Variants in DSCAML1 observed in about 807,000 individuals in gnomAD.
DSCAML1 encodes cell adhesion molecule DSCAML1.
In DSCAML1, 38 loss-of-function variants were observed where a neutral mutation model predicts 200.5. That is an observed-to-expected ratio of 0.19 (90% CI 0.15 to 0.25). The LOEUF is 0.25. Among genes scored for constraint, DSCAML1 ranks in the 10% least tolerant of loss-of-function variants. The pLI is 1.00. For synonymous variants in DSCAML1, 1,215 were observed against 1,165.0 expected, an observed-to-expected ratio of 1.04 and a Z score of -0.87; for missense variants, 2,223 against 2,858.8, an observed-to-expected ratio of 0.78 and a Z score of 5.07.
intron 4 of DSCAML1, among the ~76,000 whole-genome samples, chr11:117,530,578 GT>G (rs2050059724): frequency 6.6e-6 from 1 of 152,208 alleles, no homozygotes; most frequent in Non-Finnish European, 1.5e-5. Context: ...TCGGCACCTC[GT>G]GTGTGTTAGG....
chr11:117,430,805 C>T lies in DSCAML1; in HGVS notation c.5603G>A (p.Arg1868His), dbSNP rs200917225. 3.1e-4 allele frequency: 503 copies of T among 1,614,106 alleles called. 2 individuals carry two copies. In the East Asian group the frequency reaches 0.01, roughly 32 times the overall value. ...GGGCTTGGGTGGTGAGGCGGTAAAG[C>T]GGCAGATGCCAGGCTCTGAGGGTGT... ...MSTPSEPGIC[R>H]FTASPPKPQD... The change falls in exon 32 of 33, where the codon CGC becomes CAC. Residue 1868 changes from arginine to histidine, a missense_variant. Physicochemically the swap from Arg to His is conservative, Grantham distance 29. This residue lies in a region of DSCAML1 where 96 missense variants were observed against 160.7 expected (regional missense o/e 0.60). Transcript: ENST00000651296.
chr11:117,636,847 A>G (rs1182947419), intron 3 of DSCAML1, among the ~76,000 whole-genome samples: 1 of 152,220 alleles, frequency 6.6e-6, no homozygotes, highest in African/African-American at 2.4e-5. Flanking sequence ...AGCCTGGTAC[A>G]GTGCCTAAGT....
At chr11:117,654,035 A>C (rs1479946592) in intron 3 of DSCAML1, among the ~76,000 whole-genome samples, 2 of 152,230 alleles carry the variant, frequency 1.3e-5, no homozygotes, top group Non-Finnish European at 2.9e-5. Flanking sequence ...TCTTAAAAAA[A>C]AGTACTGATA....
chr11:117,805,117 G>T (rs1368064958), intron 1 of DSCAML1, among the ~76,000 whole-genome samples: 3 of 152,210 alleles, frequency 2.0e-5, no homozygotes, highest in Non-Finnish European at 2.9e-5. Context: ...AACTTCTACT[G>T]AACTGGCCTC....
chr11:117,451,582 G>C (rs2048284048), intron 19 of DSCAML1, among the ~76,000 whole-genome samples: 1 of 152,212 alleles, frequency 6.6e-6, no homozygotes, highest in South Asian at 2.1e-4. Context: ...CCAGCACTTT[G>C]GGAAGCCAAG....
intron 3 of DSCAML1, among the ~76,000 whole-genome samples, chr11:117,612,318 C>T (rs1057204868): frequency 2.0e-5 from 3 of 152,176 alleles, no homozygotes; most frequent in African/African-American, 7.2e-5. Flanking sequence ...ACGCCGGAAC[C>T]CAGGCAACAT....
intron 3 of DSCAML1, among the ~76,000 whole-genome samples, chr11:117,718,215 G>T (rs981200905): frequency 6.6e-6 from 1 of 152,206 alleles, no homozygotes; most frequent in African/African-American, 2.4e-5. Context: ...AGCCACTCAC[G>T]CACCCCGCCA....
At position 117,448,366 on chromosome 11, in the gene DSCAML1, T is replaced by C. The variant is rs1162356801; in HGVS notation, c.3708+2183A>G. ...ATTCATTCTTCGAATGTGTATTCCA[T>C]GACCAGGATGTTCCAGGCACAGTGT... On this transcript the variant is annotated intron_variant, in intron 20 of 32. Coordinates refer to ENST00000651296, the MANE Select transcript of DSCAML1 (RefSeq NM_020693.4). 2.0e-5 allele frequency among the ~76,000 whole-genome samples: 3 copies of C among 152,324 alleles called. No individual in the cohort carries two copies. In the South Asian group the frequency reaches 6.2e-4, roughly 32 times the overall value.
At chr11:117,667,811 AT>A (rs2053010257) in intron 3 of DSCAML1, among the ~76,000 whole-genome samples, 1 of 152,200 alleles carries the variant, frequency 6.6e-6, no homozygotes, top group East Asian at 1.9e-4. Flanking sequence ...CCCATTCAGT[AT>A]CCAGTACTTT....
intron 3 of DSCAML1, among the ~76,000 whole-genome samples, chr11:117,558,904 A>G (rs1202538051): frequency 6.6e-6 from 1 of 152,200 alleles, no homozygotes; most frequent in Non-Finnish European, 1.5e-5. Context: ...AGTTTTGGTC[A>G]GGGGTTAATT....
chr11:117,550,565 A>G (rs1208987150), intron 3 of DSCAML1, among the ~76,000 whole-genome samples: 1 of 152,214 alleles, frequency 6.6e-6, no homozygotes, highest in Non-Finnish European at 1.5e-5. Context: ...TGGGCTGGGC[A>G]TACAGTAAAG....
chr11:117,446,040 C>T (rs2048171219), intron 20 of DSCAML1, among the ~76,000 whole-genome samples: 1 of 152,172 alleles, frequency 6.6e-6, no homozygotes, highest in South Asian at 2.1e-4. Flanking sequence ...AATTCAGCTT[C>T]TGTAAAAAGA....
chr11:117,693,977 G>GCAGGTTCTTTTCT (rs1323922238), intron 3 of DSCAML1, among the ~76,000 whole-genome samples: 2 of 151,400 alleles, frequency 1.3e-5, no homozygotes, highest in Non-Finnish European at 2.9e-5. Flanking sequence ...GAATGTACAA[G>GCAGGTTCTTTTCT]CAGGTTCTTT....
Position 117,514,987 on chromosome 11 carries a change from G to A in DSCAML1, c.1783+1480C>T, listed in dbSNP as rs536858389. 1.8e-4 allele frequency among the ~76,000 whole-genome samples: 27 copies of A among 152,386 alleles called. No individual in the cohort carries two copies. The South Asian group carries it at 3.9e-3, about 22-fold the overall frequency. The stretch of plus-strand genomic sequence containing the variant: ...TGTGGGGTCGAAGATGGCACTGCAC[G>A]TGGAGCATGGAGCAATGTGAGAGGC... On this transcript the variant is annotated intron_variant, in intron 8 of 32. Coordinates refer to ENST00000651296, the MANE Select transcript of DSCAML1 (RefSeq NM_020693.4).
chr11:117,583,146 C>T (rs1375297797), intron 3 of DSCAML1, among the ~76,000 whole-genome samples: 2 of 151,942 alleles, frequency 1.3e-5, no homozygotes, highest in Non-Finnish European at 2.9e-5. Context: ...TTCCCCTCCG[C>T]ATGCTGATGG....
intron 3 of DSCAML1, among the ~76,000 whole-genome samples, chr11:117,703,022 TCTCTGAAAATGTGA>T (rs1591419415): frequency 6.6e-6 from 1 of 152,286 alleles, no homozygotes; most frequent in East Asian, 1.9e-4. Context: ...ACTTGCAGTT[TCTCTGAAAATGTGA>T]CTGCAGTTGT....
At chr11:117,727,001 A>G (rs1591445340) in intron 3 of DSCAML1, among the ~76,000 whole-genome samples, 2 of 151,804 alleles carry the variant, frequency 1.3e-5, no homozygotes, top group Non-Finnish European at 2.9e-5. Context: ...GACAGCTGAC[A>G]CTCTTAAGTG....
chr11:117,751,850 C>T (rs1052713103), intron 3 of DSCAML1, among the ~76,000 whole-genome samples: 11 of 152,224 alleles, frequency 7.2e-5, no homozygotes, highest in Admixed American at 6.5e-4. Context: ...AGAGGTTTTC[C>T]TTGAAAAGTG....
chr11:117,485,597 G>A (rs1373964863), intron 11 of DSCAML1, among the ~76,000 whole-genome samples: 1 of 152,238 alleles, frequency 6.6e-6, no homozygotes, highest in Admixed American at 6.5e-5. Context: ...ACCCACATAT[G>A]TAAACTGCCT....
Sources: gnomAD v4.1 joint callset for allele counts (sites outside exome capture counted in the v4.1 genomes callset) on GRCh38, gnomAD v4.1.1 for gene constraint, gnomAD v4.1.1 regional missense constraint, MANE v1.5 for transcripts, NCBI Gene and HGNC (gene_info 2026-07-23, HGNC 2026-07-21) for gene names.